PALM: variants seen among roughly 807,000 people sequenced by gnomAD.
The protein encoded by PALM is paralemmin.
In PALM, 18 loss-of-function variants were observed where a neutral mutation model predicts 30.7. That is an observed-to-expected ratio of 0.59 (90% CI 0.41 to 0.87). The LOEUF (loss-of-function observed/expected upper bound fraction) is 0.87. Among genes scored for constraint, PALM ranks in the 40% least tolerant of loss-of-function variants. PALM has a pLI of 0.00. For synonymous variants in PALM, 286 were observed against 242.8 expected (o/e 1.18, Z -1.66); for missense variants, 529 against 555.4 (o/e 0.95, Z 0.48).
intron 1 of PALM, among the ~76,000 whole-genome samples, chr19:715,939 C>T (rs1051531359): frequency 6.6e-6 from 1 of 152,040 alleles, no homozygotes; most frequent in Admixed American, 6.6e-5. Context: ...GGAGGGCGTC[C>T]TCTAGGAGGA....
intron 8 of PALM, among the ~76,000 whole-genome samples, chr19:741,454 C>A (rs541497277): frequency 3.3e-5 from 4 of 119,698 alleles, no homozygotes; most frequent in Admixed American, 3.3e-4. Flanking sequence ...GGGAGACGGG[C>A]TGCAGGGGTG....
intron 1 of PALM, among the ~76,000 whole-genome samples, chr19:720,565 AGGGGGCGCCGGGTCTGGGGAGGGGCGAG>A (rs1376658085): frequency 5.4e-3 from 222 of 40,840 alleles, no homozygotes; most frequent in African/African-American, 6.9e-3. Context: ...GGGAGAGTGA[AGGGGGCGCCGGGTCTGGGGAGGGGCGAG>A]GGGGGCGCCG....
chr19:714,606 C>G (rs1187321077), intron 1 of PALM, among the ~76,000 whole-genome samples: 1 of 151,650 alleles, frequency 6.6e-6, no homozygotes, highest in Non-Finnish European at 1.5e-5. Flanking sequence ...GATCCGCCCA[C>G]CTCGGCCTCC....
At chr19:720,436 G>A (rs1311920073) in intron 1 of PALM, among the ~76,000 whole-genome samples, 2 of 147,338 alleles carry the variant, frequency 1.4e-5, no homozygotes, top group Admixed American at 1.3e-4. Context: ...CCGGGTCTGG[G>A]GAGGGGCAAG....
intron 8 of PALM, among the ~76,000 whole-genome samples, chr19:741,964 G>A (rs1019017272): frequency 1.3e-5 from 2 of 152,042 alleles, no homozygotes; most frequent in Non-Finnish European, 2.9e-5. Flanking sequence ...CTCCTGCCTC[G>A]GCCTCCCGAA....
rs1292888453 is a variant in PALM, at chr19:709,669, C to T, written c.5+518C>T. 6.6e-6 allele frequency among the ~76,000 whole-genome samples: 1 copy of T among 152,152 alleles called. No individual in the cohort carries two copies. The highest frequency in any genetic ancestry group is 1.5e-5 in the Non-Finnish European group (1 of 68,004). ...CTTCCCAAGGGCCTCCAGGGGTGTC[C>T]TGAGCCCCCCGCCACTGCGCAGGTC... is the stretch of plus-strand genomic sequence containing the variant. On this transcript the variant is annotated intron_variant, in intron 1 of 8. Transcript: ENST00000338448. This position sits in a 1 kb window ranked among gnomAD's most constrained non-coding sequence, Gnocchi z 4.3.
intron 5 of PALM, 112 bp from the exon 6 acceptor site, chr19:734,061 C>A: frequency 3.5e-6 from 3 of 862,458 alleles, no homozygotes; most frequent in Non-Finnish European, 1.9e-6. Context: ...GAAGCGGGTG[C>A]GTATGACGTC....
In PALM at chr19:746,290, C is replaced by T; in HGVS notation, c.640C>T (p.His214Tyr). 1 of 1,612,084 alleles carries T rather than the reference C, an allele frequency of 6.2e-7. No homozygotes were observed. The highest frequency in any genetic ancestry group is 1.1e-5 in the South Asian group (1 of 91,022). Residue 214 changes from histidine to tyrosine, a missense_variant, in exon 9 of 9, where the codon CAT (histidine) becomes TAT (tyrosine). Coordinates refer to ENST00000338448, the MANE Select transcript of PALM (RefSeq NM_002579.3). The surrounding 1 kb of genome is among the most constrained non-coding windows in gnomAD (Gnocchi z 7.1). ...KVYEDETKVV[H>Y]AVDGTAENGI... The stretch of plus-strand genomic sequence containing the variant: ...CTCTGTCTCTCCTTGTACAGTGGTC[C>T]ATGCTGTGGACGGCACCGCCGAGAA...
chr19:716,349 G>T (rs1436531044), intron 1 of PALM, among the ~76,000 whole-genome samples: 1 of 152,014 alleles, frequency 6.6e-6, no homozygotes, highest in Non-Finnish European at 1.5e-5. Context: ...GGAGGAGGTT[G>T]CAGTGAGCCG....
intron 8 of PALM, among the ~76,000 whole-genome samples, chr19:745,368 G>A (rs2033308816): frequency 6.6e-6 from 1 of 152,100 alleles, no homozygotes; most frequent in Non-Finnish European, 1.5e-5. Flanking sequence ...TACTTTTCAG[G>A]GTGATCACGT....
intron 1 of PALM, among the ~76,000 whole-genome samples, chr19:716,954 C>T (rs1257461840): frequency 4.0e-5 from 6 of 150,624 alleles, no homozygotes; most frequent in Non-Finnish European, 8.9e-5. Flanking sequence ...TTTTTTGAGA[C>T]AGAGTCTCTC....
Position 732,612 on chromosome 19 carries a change from T to C in PALM, c.420+1367T>C, listed in dbSNP as rs981744598. 4.6e-5 allele frequency among the ~76,000 whole-genome samples: 7 copies of C among 152,174 alleles called. No individual in the cohort carries two copies. In the South Asian group the frequency reaches 1.5e-3, roughly 32 times the overall value. On this transcript the variant is annotated intron_variant, in intron 5 of 8. Transcript: ENST00000338448. ...CGGGAGGCTGAGGCTGAGAATCACT[T>C]GTACCCAGGGGGCAGAGGTTGCAGT...
intron 5 of PALM, among the ~76,000 whole-genome samples, chr19:733,715 T>G (rs2032938918): frequency 1.3e-5 from 2 of 152,058 alleles, no homozygotes; most frequent in African/African-American, 4.8e-5. Context: ...GGAGCGGACG[T>G]GGTGGCTCAG....
At chr19:740,528 C>G in intron 8 of PALM, 45 bp downstream of exon 8, 1 of 1,519,838 alleles carries the variant, frequency 6.6e-7, no homozygotes, top group Non-Finnish European at 8.9e-7. Flanking sequence ...TGGGCCAGAG[C>G]CCCGAACACG....
chr19:739,090 G>A (rs923509386), intron 7 of PALM, among the ~76,000 whole-genome samples: 5 of 152,132 alleles, frequency 3.3e-5, no homozygotes, highest in Admixed American at 1.3e-4. Context: ...GCCACCAGTC[G>A]CTGTTAGGAT....
intron 5 of PALM, among the ~76,000 whole-genome samples, chr19:733,762 G>A (rs967382285): frequency 8.6e-5 from 13 of 152,042 alleles, no homozygotes; most frequent in Non-Finnish European, 1.8e-4. Flanking sequence ...CGAGGTGGGT[G>A]GATCACCTGA....
At chr19:741,394 T>C (rs2144921448) in intron 8 of PALM, among the ~76,000 whole-genome samples, 1 of 137,152 alleles carries the variant, frequency 7.3e-6, no homozygotes, top group Admixed American at 7.2e-5. Flanking sequence ...GCTGCAGGAG[T>C]GAGGGGAGAC....
chr19:738,350 C>T (rs535738573), intron 7 of PALM, among the ~76,000 whole-genome samples: 1 of 152,152 alleles, frequency 6.6e-6, no homozygotes, highest in South Asian at 2.1e-4. Flanking sequence ...CACGGTGAAA[C>T]CCTGTCTCTA....
In PALM at chr19:709,916, G is replaced by GC. The variant is rs1208294038; in HGVS notation, c.5+765_5+766insC. 3.9e-5 allele frequency among the ~76,000 whole-genome samples: 6 copies of GC among 152,280 alleles called. 1 individual carries two copies. In the South Asian group the frequency reaches 1.2e-3, roughly 32 times the overall value. On this transcript the variant is annotated intron_variant, in intron 1 of 8. Coordinates refer to ENST00000338448, the MANE Select transcript of PALM (RefSeq NM_002579.3). The surrounding 1 kb of genome is among the most constrained non-coding windows in gnomAD (Gnocchi z 4.3). ...CATGGCTGCGCCTGTGTGTGTGGGG[G>GC]GGGGGTGGCCAGTGGAGGCACCGAG... is the stretch of plus-strand genomic sequence containing the variant.
Sources: allele counts gnomAD v4.1 joint callset (sites outside exome capture counted in the v4.1 genomes callset), GRCh38; gene constraint gnomAD v4.1.1; non-coding constraint Gnocchi (gnomAD v3.1); transcripts MANE v1.5; gene names NCBI Gene and HGNC (gene_info 2026-07-23, HGNC 2026-07-21).